SMO: variants seen among roughly 807,000 people sequenced by gnomAD.
The protein encoded by SMO is smoothened, frizzled class receptor.
Under a neutral mutation model 81.6 loss-of-function variants are expected in SMO, and 40 were observed. The ratio of observed to expected loss-of-function variants is 0.49; its 90% CI spans 0.38 to 0.64. The LOEUF is 0.64. Ranked by LOEUF, SMO falls within the 30% of genes least tolerant of loss-of-function variation. SMO has a pLI of 0.00. For synonymous variants in SMO, 434 were observed against 432.1 expected (o/e 1.00, Z -0.05); for missense variants, 916 against 1,061.1 (o/e 0.86, Z 1.90).
At position 129,205,365 on chromosome 7, in the gene SMO, A is replaced by G. The variant is rs2150648457; in HGVS notation, c.700A>G (p.Ile234Val). ...EAEHQDMHSY[I>V]AAFGAVTGLC... ...TGAGCACCAGGACATGCACAGCTAC[A>G]TCGCGGCCTTCGGGGCCGTCACGGG... is the stretch of plus-strand genomic sequence containing the variant. The change falls in exon 3 of 12, where the codon ATC becomes GTC. Residue 234 changes from isoleucine to valine, a missense_variant. Coordinates refer to ENST00000249373, the MANE Select transcript of SMO (RefSeq NM_005631.5). 1 of 1,613,522 alleles carries G rather than the reference A, an allele frequency of 6.2e-7. No individual in the cohort carries two copies. Among genetic ancestry groups the G allele is most frequent in the South Asian group, 1.1e-5 (1 of 90,972 alleles).
At chr7:129,193,992 C>T (rs1793528417) in intron 1 of SMO, among the ~76,000 whole-genome samples, 1 of 149,008 alleles carries the variant, frequency 6.7e-6, no homozygotes, top group South Asian at 2.1e-4. Context: ...CCCAGCTACA[C>T]TGGAGGCTGA....
rs1584665415 is a variant in SMO at position 129,210,852 on chromosome 7, T to C, written c.1653-113T>C. 1 of 1,203,954 alleles carries C rather than the reference T, an allele frequency of 8.3e-7. No individual in the cohort carries two copies. The highest frequency in any genetic ancestry group is 1.2e-6 in the Non-Finnish European group (1 of 857,916). The allele number at this position is 1,203,954 out of a possible 1,614,324, so 74.6% of individuals were successfully genotyped here. A position where few individuals can be genotyped will look rare whatever the true frequency, so the allele number is the denominator to read the frequency against. On this transcript the variant is annotated intron_variant, in intron 9 of 11. Transcript: ENST00000249373. This position sits in a 1 kb window ranked among gnomAD's most constrained non-coding sequence, Gnocchi z 4.7. ...TCTACTCCTGAGTCCTTGAAGGACT[T>C]GAGGCCCTTGGGAGCCTCCTTCTCT...
intron 1 of SMO, among the ~76,000 whole-genome samples, chr7:129,196,711 G>A (rs889988848): frequency 1.3e-5 from 2 of 151,744 alleles, no homozygotes; most frequent in Non-Finnish European, 2.9e-5. Context: ...CACTTTGTTT[G>A]TTGCTGACAT....
At chr7:129,205,135 C>G in intron 2 of SMO, 68 bp from the exon 3 acceptor site, 1 of 1,388,326 alleles carries the variant, frequency 7.2e-7, no homozygotes, top group Non-Finnish European at 1.0e-6. Flanking sequence ...TACCTAGATA[C>G]CTTTCCCTAA....
At chr7:129,190,531 G>T (rs981142377) in intron 1 of SMO, among the ~76,000 whole-genome samples, 1 of 152,250 alleles carries the variant, frequency 6.6e-6, no homozygotes, top group African/African-American at 2.4e-5. Flanking sequence ...GACAGGGCTG[G>T]GGTACCCCAT....
chr7:129,202,956 G>A (rs750618145), intron 1 of SMO, among the ~76,000 whole-genome samples: 1 of 152,218 alleles, frequency 6.6e-6, no homozygotes, highest in Non-Finnish European at 1.5e-5. Flanking sequence ...CAGATCATGA[G>A]CTTGGTTTCC....
rs757816267 is a variant in SMO, at chr7:129,189,470, G to A, written c.319G>A (p.Val107Met). ...CCAGGAGGAAGCGCACGGCAAGCTC[G>A]TGCTCTGGTCGGGTAAGTGCGGCGG... ...DSQEEAHGKL[V>M]LWSGLRNAPR... is the part of the protein sequence containing the mutation. The change falls in exon 1 of 12, where the codon GTG becomes ATG. Residue 107 changes from valine (V) to methionine (M), a missense_variant. Around this residue, in one of 4 missense-constraint regions of SMO, gnomAD observed 146 missense variants for 149.9 expected, o/e 0.97. Transcript: ENST00000249373. This position sits in a 1 kb window ranked among gnomAD's most constrained non-coding sequence, Gnocchi z 4.7. 1 of 1,537,482 alleles carries A rather than the reference G, an allele frequency of 6.5e-7. No homozygotes were observed. The highest frequency in any genetic ancestry group is 8.7e-7 in the Non-Finnish European group (1 of 1,146,794).
At chr7:129,201,638 T>C (rs2718109) in intron 1 of SMO, among the ~76,000 whole-genome samples, 140,457 of 152,154 alleles carry the variant, frequency 0.92, 65,869 homozygotes, top group East Asian at 1. Flanking sequence ...TGCAAGTACC[T>C]ATGTACTCAG....
At chr7:129,205,490 A>G in intron 3 of SMO, 78 bp downstream of exon 3, 1 of 1,538,570 alleles carries the variant, frequency 6.5e-7, no homozygotes. Flanking sequence ...GGGGGCAAAG[A>G]GGTCTTGGTG....
chr7:129,211,288 G>A lies in SMO; in HGVS notation c.1801+175G>A. ...CCCCGGCCCCTCCTACCCTCTGGGG[G>A]GCTCTCCCCTCTCTGTTTCTGCCCC... On this transcript the variant is annotated intron_variant, in intron 10 of 11. Coordinates refer to ENST00000249373, the MANE Select transcript of SMO (RefSeq NM_005631.5). The surrounding 1 kb of genome is among the most constrained non-coding windows in gnomAD (Gnocchi z 4.6). 2 of 784,854 alleles carry A rather than the reference G, an allele frequency of 2.5e-6. No homozygotes were observed. Among genetic ancestry groups the A allele is most frequent in the Non-Finnish European group, 4.3e-6 (2 of 462,118 alleles). The allele number at this position is 784,854 out of a possible 1,614,324, so 48.6% of individuals were successfully genotyped here.
In SMO at chr7:129,212,416, G is replaced by A. The variant is rs750599703; in HGVS notation, c.2329G>A (p.Asp777Asn). Residue 777 changes from aspartate to asparagine, a missense_variant, in exon 12 of 12, where the codon GAC becomes AAC. Coordinates refer to ENST00000249373, the MANE Select transcript of SMO (RefSeq NM_005631.5). The surrounding 1 kb of genome is among the most constrained non-coding windows in gnomAD (Gnocchi z 5.0). The stretch of plus-strand genomic sequence containing the variant: ...TATTCACTCCCGCACCAACCTGATG[G>A]ACACAGAACTCATGGATGCAGACTC... The part of the protein sequence containing the change: ...GPIHSRTNLM[D>N]TELMDADSDF 6.8e-6 allele frequency: 11 copies of A among 1,613,522 alleles called. No individual in the cohort carries two copies. The highest frequency in any genetic ancestry group is 9.3e-6 in the Non-Finnish European group (11 of 1,179,794).
rs2150650946 is a variant in SMO, at chr7:129,206,619, C to A, written c.1264+32C>A. 6.2e-7 allele frequency: 1 copy of A among 1,610,772 alleles called. No individual in the cohort carries two copies. The highest frequency in any genetic ancestry group is 8.5e-7 in the Non-Finnish European group (1 of 1,178,062). ...GAAGACCAGGCCAGGACCAGTTGGG[C>A]AACAAAATATACTGGGCACTTGCTG... is the stretch of plus-strand genomic sequence containing the variant. On this transcript the variant is annotated intron_variant, in intron 6 of 11. Transcript: ENST00000249373. The surrounding 1 kb of genome is among the most constrained non-coding windows in gnomAD (Gnocchi z 4.4).
intron 1 of SMO, among the ~76,000 whole-genome samples, chr7:129,199,276 T>G (rs1793629018): frequency 6.6e-6 from 1 of 150,678 alleles, no homozygotes; most frequent in Non-Finnish European, 1.5e-5. Context: ...GCCTCCTGGA[T>G]TCAAGCAATT....
At chr7:129,194,812 T>C (rs896747883) in intron 1 of SMO, among the ~76,000 whole-genome samples, 1 of 152,220 alleles carries the variant, frequency 6.6e-6, no homozygotes, top group African/African-American at 2.4e-5. Flanking sequence ...TGAGACAGTC[T>C]CACTCTGTCA....
At chr7:129,204,462 T>C (rs1483145581) in intron 2 of SMO, among the ~76,000 whole-genome samples, 1 of 151,838 alleles carries the variant, frequency 6.6e-6, no homozygotes, top group African/African-American at 2.4e-5. Context: ...CTGACCAACA[T>C]GGTGAAACTC....
chr7:129,194,772 T>G (rs778438567), intron 1 of SMO, among the ~76,000 whole-genome samples: 4 of 152,100 alleles, frequency 2.6e-5, no homozygotes, highest in African/African-American at 4.8e-5. Context: ...ATTTCTTTTT[T>G]GCTTGTTTAT....
rs371084806 is a variant in SMO, at chr7:129,205,388, G to A, written c.723G>A (p.Thr241=). Residue 241 remains threonine (T), a synonymous_variant, in exon 3 of 12, where the codon ACG becomes ACA. Coordinates refer to ENST00000249373, the MANE Select transcript of SMO (RefSeq NM_005631.5). The part of the protein sequence containing the change: ...HSYIAAFGAV[T]GLCTLFTLAT... ...ACATCGCGGCCTTCGGGGCCGTCAC[G>A]GGCCTCTGCACGCTCTTCACCCTGG... The A allele has an allele frequency of 6.2e-6, 10 of 1,611,310 alleles. No homozygotes were observed. The highest frequency in any genetic ancestry group is 1.7e-5 in the Admixed American group (1 of 59,570).
rs1329164451 is a variant in SMO at position 129,211,134 on chromosome 7, A to G, written c.1801+21A>G. 1.3e-6 allele frequency: 2 copies of G among 1,588,524 alleles called. No homozygotes were observed. Among genetic ancestry groups the G allele is most frequent in the South Asian group, 1.1e-5 (1 of 87,122 alleles). The stretch of plus-strand genomic sequence containing the variant: ...CGTGGGTGAGCCTCACCCCTCCTCT[A>G]CCGGAGCCGCCTGGCCCCGCGCTGC... On this transcript the variant is annotated intron_variant, in intron 10 of 11. Transcript: ENST00000249373. This position sits in a 1 kb window ranked among gnomAD's most constrained non-coding sequence, Gnocchi z 4.6.
chr7:129,196,011 A>G (rs6467232), intron 1 of SMO, among the ~76,000 whole-genome samples: 126,059 of 151,032 alleles, frequency 0.83, 53,061 homozygotes, highest in Middle Eastern at 0.93. Flanking sequence ...TGAGGCAGGA[A>G]AATGGTGTGA....
Sources: gnomAD v4.1 joint callset for allele counts (sites outside exome capture counted in the v4.1 genomes callset) on GRCh38, gnomAD v4.1.1 for gene constraint, gnomAD v4.1.1 regional missense constraint, Gnocchi (gnomAD v3.1) non-coding constraint, MANE v1.5 for transcripts, NCBI Gene and HGNC (gene_info 2026-07-23, HGNC 2026-07-21) for gene names.